Variants in EPHB1 observed in about 807,000 individuals in gnomAD.
EPHB1 encodes EPH receptor B1.
Under a neutral mutation model 94.4 loss-of-function variants are expected in EPHB1, and 30 were observed. That is an observed-to-expected ratio of 0.32 (90% CI 0.24 to 0.43). The LOEUF (loss-of-function observed/expected upper bound fraction) is 0.43. EPHB1 is among the 20% of genes least tolerant of loss of function. EPHB1 has a pLI of 1.00. For missense variants in EPHB1, 1,055 were observed against 1,308.3 expected, an observed-to-expected ratio of 0.81 and a Z score of 2.99; for synonymous variants, 522 against 489.1, an observed-to-expected ratio of 1.07 and a Z score of -0.89.
At chr3:135,228,876 T>A (rs1450444619) in intron 12 of EPHB1, among the ~76,000 whole-genome samples, 1 of 152,174 alleles carries the variant, frequency 6.6e-6, no homozygotes, top group Admixed American at 6.5e-5. Flanking sequence ...TCTCCATGTA[T>A]CTTCTTTCCT....
intron 12 of EPHB1, among the ~76,000 whole-genome samples, chr3:135,220,167 G>A (rs931538376): frequency 2.0e-5 from 3 of 152,152 alleles, no homozygotes; most frequent in Non-Finnish European, 4.4e-5. Flanking sequence ...CAGATGTCTA[G>A]GGAAAAGAGA....
At chr3:135,228,102 G>A (rs1266224475) in intron 12 of EPHB1, among the ~76,000 whole-genome samples, 2 of 151,970 alleles carry the variant, frequency 1.3e-5, no homozygotes, top group Non-Finnish European at 2.9e-5. Context: ...TTTGTCAATT[G>A]ACCCAAAAAG....
chr3:134,830,820 A>G (rs1251783314), intron 1 of EPHB1, among the ~76,000 whole-genome samples: 4 of 152,172 alleles, frequency 2.6e-5, no homozygotes, highest in Non-Finnish European at 5.9e-5. Context: ...AGATGCTGAA[A>G]TGCCTTCTGC....
intron 2 of EPHB1, among the ~76,000 whole-genome samples, chr3:134,932,771 C>T (rs1301942774): frequency 6.6e-6 from 1 of 152,186 alleles, no homozygotes. Context: ...CTTATTAAGA[C>T]AGAAAAGCCT....
At chr3:134,854,911 T>C (rs1202707648) in intron 1 of EPHB1, among the ~76,000 whole-genome samples, 2 of 99,708 alleles carry the variant, frequency 2.0e-5, no homozygotes, top group East Asian at 1.1e-3. Context: ...TAGAAAAGTA[T>C]AAAGAAAAAA....
chr3:134,940,214 G>A (rs1167704077), intron 2 of EPHB1, among the ~76,000 whole-genome samples: 1 of 152,208 alleles, frequency 6.6e-6, no homozygotes, highest in African/African-American at 2.4e-5. Flanking sequence ...TGACTCAGCT[G>A]GAGGTGGATC....
chr3:135,031,112 C>A (rs1353059250), intron 3 of EPHB1, among the ~76,000 whole-genome samples: 1 of 152,146 alleles, frequency 6.6e-6, no homozygotes, highest in Non-Finnish European at 1.5e-5. Flanking sequence ...CACTGACCTG[C>A]GCCCACTGTC....
chr3:135,061,221 C>T (rs907973052), intron 3 of EPHB1, among the ~76,000 whole-genome samples: 2 of 152,070 alleles, frequency 1.3e-5, no homozygotes, highest in African/African-American at 4.8e-5. Flanking sequence ...TTTTGGTGCA[C>T]CCATCACCTG....
At chr3:134,931,310 GA>G (rs1210850581) in intron 2 of EPHB1, among the ~76,000 whole-genome samples, 6 of 152,188 alleles carry the variant, frequency 3.9e-5, no homozygotes, top group African/African-American at 7.2e-5. Flanking sequence ...TAGTCCCTCT[GA>G]TCAAGAGGCT....
Position 134,894,630 on chromosome 3 carries a change from G to A in EPHB1, c.59-31186G>A, listed in dbSNP as rs554747862. On this transcript the variant is annotated intron_variant, in intron 1 of 15. Transcript: ENST00000398015. Reference sequence around the variant, plus strand: ...GAGGGCTCTGGAAGAACAATGGGGAGGTTCAGTTCAGAGCAAGGGCTCTGA... The same window carrying A: ...GAGGGCTCTGGAAGAACAATGGGGAAGTTCAGTTCAGAGCAAGGGCTCTGA... 2.0e-4 allele frequency among the ~76,000 whole-genome samples: 31 copies of A among 152,300 alleles called. No individual in the cohort carries two copies. The South Asian group carries it at 3.3e-3, about 16-fold the overall frequency.
chr3:134,918,508 C>T (rs933423141), intron 1 of EPHB1, among the ~76,000 whole-genome samples: 2 of 152,196 alleles, frequency 1.3e-5, no homozygotes, highest in African/African-American at 4.8e-5. Flanking sequence ...TGTAAAGCAG[C>T]ATAGTAATAA....
chr3:134,853,326 C>G (rs1578138498), intron 1 of EPHB1, among the ~76,000 whole-genome samples: 1 of 152,186 alleles, frequency 6.6e-6, no homozygotes, highest in Admixed American at 6.5e-5. Context: ...GTGGGTGCCC[C>G]TGGAGACTCC....
chr3:135,122,070 G>T (rs565905807), intron 4 of EPHB1, among the ~76,000 whole-genome samples: 1 of 152,196 alleles, frequency 6.6e-6, no homozygotes, highest in African/African-American at 2.4e-5. Context: ...TTGTCAGTCA[G>T]TGGTTTGTGT....
At chr3:135,086,065 C>T (rs1261445552) in intron 3 of EPHB1, among the ~76,000 whole-genome samples, 2 of 152,124 alleles carry the variant, frequency 1.3e-5, no homozygotes, top group East Asian at 1.9e-4. Context: ...CTACTAACTC[C>T]CTTTCCACAG....
chr3:134,807,696 C>T (rs549322722), intron 1 of EPHB1, among the ~76,000 whole-genome samples: 3 of 152,194 alleles, frequency 2.0e-5, no homozygotes, highest in East Asian at 3.9e-4. Flanking sequence ...AAACAGCACT[C>T]TCACAGGCTT....
chr3:135,172,135 G>C (rs543215971), intron 9 of EPHB1, among the ~76,000 whole-genome samples: 35 of 152,346 alleles, frequency 2.3e-4, no homozygotes, highest in Admixed American at 1.5e-3. Flanking sequence ...CTGTCCAGAA[G>C]AGAGCAGCTT....
intron 12 of EPHB1, among the ~76,000 whole-genome samples, chr3:135,236,318 C>T (rs932634293): frequency 3.9e-5 from 6 of 151,954 alleles, no homozygotes; most frequent in South Asian, 2.1e-4. Flanking sequence ...TATTTTCATT[C>T]GGCCTTCTTA....
chr3:135,025,332 G>C (rs1936123869), intron 3 of EPHB1, among the ~76,000 whole-genome samples: 1 of 117,424 alleles, frequency 8.5e-6, no homozygotes, highest in African/African-American at 3.0e-5. Context: ...TCTAGCATTA[G>C]GTATATCTCC....
chr3:135,110,393 T>C (rs1939393830), intron 4 of EPHB1, among the ~76,000 whole-genome samples: 1 of 152,110 alleles, frequency 6.6e-6, no homozygotes, highest in Non-Finnish European at 1.5e-5. Context: ...TGCCAGTCTT[T>C]CGGGGTTTCC....
Sources: gnomAD v4.1 joint callset for allele counts (sites outside exome capture counted in the v4.1 genomes callset) on GRCh38, gnomAD v4.1.1 for gene constraint, MANE v1.5 for transcripts, NCBI Gene and HGNC (gene_info 2026-07-23, HGNC 2026-07-21) for gene names.